Variants in BNC2 observed in about 807,000 individuals in gnomAD.
BNC2 encodes basonuclin zinc finger protein 2.
In BNC2, 20 loss-of-function variants were observed where a neutral mutation model predicts 76.3. The ratio of observed to expected loss-of-function variants is 0.26; its 90% CI spans 0.18 to 0.38. The LOEUF is 0.38. BNC2 is among the 10% of genes least tolerant of loss of function. The pLI, the probability that BNC2 is intolerant of heterozygous loss-of-function variation, is 1.00. For missense variants in BNC2, 1,382 were observed against 1,399.8 expected, an observed-to-expected ratio of 0.99 and a Z score of 0.20; for synonymous variants, 582 against 514.8, an observed-to-expected ratio of 1.13 and a Z score of -1.77.
At chr9:16,814,206 TTGTCTA>T (rs1431094172) in intron 1 of BNC2, among the ~76,000 whole-genome samples, 2 of 152,216 alleles carry the variant, frequency 1.3e-5, no homozygotes, top group East Asian at 3.9e-4. Context: ...TGTTTTTGCC[TTGTCTA>T]TAAGGTAAAG....
chr9:16,530,312 T>C (rs1817939215), intron 5 of BNC2, among the ~76,000 whole-genome samples: 1 of 152,166 alleles, frequency 6.6e-6, no homozygotes, highest in Non-Finnish European at 1.5e-5. Flanking sequence ...TCAAGTTTTA[T>C]TATACCTGCA....
chr9:16,469,036 C>G (rs532899151), intron 5 of BNC2, among the ~76,000 whole-genome samples: 1 of 152,242 alleles, frequency 6.6e-6, no homozygotes, highest in South Asian at 2.1e-4. Flanking sequence ...TAATTATGAG[C>G]TTTTCAGCTT....
chr9:16,517,028 C>T (rs1284228982), intron 5 of BNC2, among the ~76,000 whole-genome samples: 1 of 152,186 alleles, frequency 6.6e-6, no homozygotes. Context: ...GTAACAATAT[C>T]CAGACGAAGC....
intron 1 of BNC2, among the ~76,000 whole-genome samples, chr9:16,859,921 A>G (rs1819355839): frequency 6.6e-6 from 1 of 152,218 alleles, no homozygotes. Flanking sequence ...AGAGTTGGAG[A>G]ACAGTCTGGC....
chr9:16,479,633 A>AT (rs1232177178), intron 5 of BNC2, among the ~76,000 whole-genome samples: 1 of 152,216 alleles, frequency 6.6e-6, no homozygotes, highest in African/African-American at 2.4e-5. Flanking sequence ...ATTGATCAGC[A>AT]TAACAGTCCT....
intron 1 of BNC2, among the ~76,000 whole-genome samples, chr9:16,780,069 T>C (rs1305577299): frequency 1.3e-5 from 2 of 150,688 alleles, no homozygotes; most frequent in Admixed American, 6.6e-5. Context: ...ACCCCATCTC[T>C]ACTAAAAATA....
At chr9:16,668,026 G>C (rs761550520) in intron 3 of BNC2, among the ~76,000 whole-genome samples, 3 of 152,224 alleles carry the variant, frequency 2.0e-5, no homozygotes, top group Non-Finnish European at 4.4e-5. Flanking sequence ...TTCCTACTAA[G>C]TGCCAGACGC....
intron 3 of BNC2, among the ~76,000 whole-genome samples, chr9:16,659,385 A>AGGTG (rs1563884373): frequency 2.6e-5 from 4 of 152,138 alleles, no homozygotes; most frequent in East Asian, 1.9e-4. Context: ...CGAGGTGGGC[A>AGGTG]GATCAGGAGG....
chr9:16,839,641 C>T (rs907405938), intron 1 of BNC2, among the ~76,000 whole-genome samples: 3 of 152,308 alleles, frequency 2.0e-5, no homozygotes, highest in African/African-American at 7.2e-5. Context: ...TTCTTAGGCG[C>T]CATCACTATA....
chr9:16,526,936 A>T (rs1286191860), intron 5 of BNC2, among the ~76,000 whole-genome samples: 1 of 152,240 alleles, frequency 6.6e-6, no homozygotes, highest in African/African-American at 2.4e-5. Flanking sequence ...TGGGCATTTT[A>T]GTTGGTACAG....
intron 3 of BNC2, among the ~76,000 whole-genome samples, chr9:16,633,542 G>C (rs990780049): frequency 1.4e-4 from 22 of 152,282 alleles, no homozygotes; most frequent in African/African-American, 5.1e-4. Context: ...TAGTGCGGTA[G>C]CTCTACTTTG....
chr9:16,575,463 A>G (rs1819456892), intron 4 of BNC2: 2 of 984,914 alleles, frequency 2.0e-6, no homozygotes, highest in Non-Finnish European at 2.4e-6. Context: ...AGGACTTTGA[A>G]GGGGAGGCAC....
intron 1 of BNC2, among the ~76,000 whole-genome samples, chr9:16,748,286 G>C (rs1212954317): frequency 6.6e-6 from 1 of 152,154 alleles, no homozygotes; most frequent in Non-Finnish European, 1.5e-5. Context: ...GGCCGAGGCA[G>C]GAAGACTGTT....
intron 2 of BNC2, among the ~76,000 whole-genome samples, chr9:16,736,458 TG>T (rs1824672145): frequency 2.0e-5 from 3 of 150,838 alleles, no homozygotes; most frequent in East Asian, 1.9e-4. Context: ...TTATTATTAT[TG>T]TTTATTATTA....
At chr9:16,816,750 C>T (rs1200866440) in intron 1 of BNC2, among the ~76,000 whole-genome samples, 1 of 152,188 alleles carries the variant, frequency 6.6e-6, no homozygotes, top group African/African-American at 2.4e-5. Flanking sequence ...AGAGGCCCTA[C>T]TCCAAACTGG....
At chr9:16,705,953 A>C (rs1427170721) in intron 3 of BNC2, among the ~76,000 whole-genome samples, 1 of 152,076 alleles carries the variant, frequency 6.6e-6, no homozygotes, top group East Asian at 1.9e-4. Flanking sequence ...CAACAATATT[A>C]GATCAAAAAA....
intron 5 of BNC2, among the ~76,000 whole-genome samples, chr9:16,504,832 T>C (rs528862170): frequency 6.8e-4 from 104 of 152,166 alleles, no homozygotes; most frequent in African/African-American, 2.3e-3. Flanking sequence ...CACTCCAGCA[T>C]GGGCAACACA....
At chr9:16,837,896 C>G (rs945084782) in intron 1 of BNC2, among the ~76,000 whole-genome samples, 1 of 152,070 alleles carries the variant, frequency 6.6e-6, no homozygotes, top group African/African-American at 2.4e-5. Flanking sequence ...CCATTGCACT[C>G]CAGCTTGGGC....
intron 3 of BNC2, among the ~76,000 whole-genome samples, chr9:16,647,331 G>A (rs985522975): frequency 1.3e-5 from 2 of 152,168 alleles, no homozygotes; most frequent in East Asian, 3.9e-4. Flanking sequence ...GAGAATTGGC[G>A]GAATGTGTGT....
Sources: allele counts gnomAD v4.1 joint callset (sites outside exome capture counted in the v4.1 genomes callset), GRCh38; gene constraint gnomAD v4.1.1; transcripts MANE v1.5; gene names NCBI Gene and HGNC (gene_info 2026-07-23, HGNC 2026-07-21).